The following PIEZO1 variants were observed in gnomAD, a reference collection of about 807,000 sequenced individuals.
PIEZO1 encodes the protein piezo-type mechanosensitive ion channel component 1.
A neutral mutation model predicts 297.2 loss-of-function variants in PIEZO1; 296 were observed. The ratio of observed to expected loss-of-function variants is 1.00; its 90% CI spans 0.91 to 1.10. The LOEUF (loss-of-function observed/expected upper bound fraction) is 1.10, where lower values mean the gene tolerates loss of function less well. Ranked by LOEUF, PIEZO1 falls within the 50% of genes least tolerant of loss-of-function variation. The pLI, the probability that PIEZO1 is intolerant of heterozygous loss-of-function variation, is 0.00. For missense variants in PIEZO1, 5,018 were observed against 3,455.5 expected (o/e 1.45, Z -11.34); for synonymous variants, 2,427 against 1,507.5 (o/e 1.61, Z -14.13).
At chr16:88,731,603 A>G (rs994430970) in intron 22 of PIEZO1, 103 bp downstream of exon 22, 26 of 835,192 alleles carry the variant, frequency 3.1e-5, no homozygotes, top group Non-Finnish European at 4.2e-5. Context: ...GGCCAAGGCT[A>G]AGTCTAGGAG....
Position 88,720,682 on chromosome 16 carries a change from C to G in PIEZO1, c.5735G>C (p.Arg1912Thr). The G allele has an allele frequency of 1.3e-6, 2 of 1,544,584 alleles. No individual in the cohort carries two copies. The highest frequency in any genetic ancestry group is 1.7e-6 in the Non-Finnish European group (2 of 1,144,216). The change falls in exon 40 of 51, where the codon AGG (arginine) becomes ACG (threonine). Residue 1912 changes from arginine (R) to threonine (T), a missense_variant. Physicochemically the swap from Arg to Thr is moderately conservative, Grantham distance 71 (BLOSUM62 -1). Coordinates refer to ENST00000301015, the MANE Select transcript of PIEZO1 (RefSeq NM_001142864.4). ...TACTCTTCCTCCAGAGCGGCTTGGCCTCTTCTCTCTCCCCGTGGGGGCCTC... is the reference window on the plus strand; with the variant it reads ...TACTCTTCCTCCAGAGCGGCTTGGCGTCTTCTCTCTCCCCGTGGGGGCCTC... The part of the protein sequence containing the change: ...EKEAPTGREK[R>T]PSRSGGRVRA...
chr16:88,764,443 G>A (rs901234744), intron 1 of PIEZO1, among the ~76,000 whole-genome samples: 1 of 152,158 alleles, frequency 6.6e-6, no homozygotes. Context: ...TCTCCAGGCA[G>A]AGATCACGCG....
At chr16:88,766,073 G>A (rs924345106) in intron 1 of PIEZO1, among the ~76,000 whole-genome samples, 1 of 152,230 alleles carries the variant, frequency 6.6e-6, no homozygotes, top group Non-Finnish European at 1.5e-5. Context: ...GGCAGCGTGG[G>A]TGCCGTGGTC....
At chr16:88,731,676 C>A (rs1221746147) in intron 22 of PIEZO1, 30 bp downstream of exon 22, 2 of 1,532,598 alleles carry the variant, frequency 1.3e-6, no homozygotes, top group East Asian at 2.5e-5. Flanking sequence ...GCCACAAAGC[C>A]CACTCCCACC....
In PIEZO1 at chr16:88,737,715, C is replaced by T; in HGVS notation, c.1107+13G>A. 1.3e-6 allele frequency: 2 copies of T among 1,535,208 alleles called. No homozygotes were observed. Among genetic ancestry groups the T allele is most frequent in the Non-Finnish European group, 1.7e-6 (2 of 1,146,340 alleles). On this transcript the variant is annotated intron_variant, in intron 9 of 50. Coordinates refer to ENST00000301015, the MANE Select transcript of PIEZO1 (RefSeq NM_001142864.4). ...CCCCCCACGCTGGCGTCTCCACCTGCCTGGCTGCTCACCTGGTCAGACTCC... is the reference window on the plus strand; with the variant it reads ...CCCCCCACGCTGGCGTCTCCACCTGTCTGGCTGCTCACCTGGTCAGACTCC...
chr16:88,731,883 T>C lies in PIEZO1; in HGVS notation c.3019A>G (p.Ile1007Val). ...ACCAGAAAGTTCATGCGCTGCCCGA[T>C]CACGTTCACGGCCATCAGGAAGCAG... ...EICFLMAVNV[I>V]GQRMNFLVTL... The change falls in exon 22 of 51, where the codon ATC becomes GTC. Residue 1007 changes from isoleucine (I) to valine (V), a missense_variant. By Grantham distance (29) the Ile-to-Val change is conservative. Coordinates refer to ENST00000301015, the MANE Select transcript of PIEZO1 (RefSeq NM_001142864.4). The C allele has an allele frequency of 1.0e-6, 1 of 982,558 alleles. No homozygotes were observed. The highest frequency in any genetic ancestry group is 8.0e-5 in the East Asian group (1 of 12,536). The allele number at this position is 982,558 out of a possible 1,614,324, so 60.9% of individuals were successfully genotyped here.
chr16:88,718,604 T>G (rs1035129696), intron 44 of PIEZO1: 1 of 152,250 alleles, frequency 6.6e-6, no homozygotes, highest in African/African-American at 2.4e-5. Context: ...CCTGTTTTCA[T>G]GAAATATCCA....
Position 88,737,661 on chromosome 16 carries a change from C to A in PIEZO1, c.1108-15G>T, listed in dbSNP as rs556017250. On this transcript the variant is annotated splice_polypyrimidine_tract_variant and intron_variant, in intron 9 of 50. Transcript: ENST00000301015. ...GGCACCACGTGCTGTGGGCAAGCAGCGCTGAGCCATGCACGGGCTGGCCGG... is the reference window on the plus strand; with the variant it reads ...GGCACCACGTGCTGTGGGCAAGCAGAGCTGAGCCATGCACGGGCTGGCCGG... The A allele has an allele frequency of 3.3e-6, 5 of 1,534,172 alleles. No individual in the cohort carries two copies. Among genetic ancestry groups the A allele is most frequent in the East Asian group, 4.9e-5 (2 of 40,894 alleles).
In PIEZO1 at chr16:88,726,880, C is replaced by G; in HGVS notation, c.3534G>C (p.Gly1178=). Residue 1178 remains glycine (G), a synonymous_variant, in exon 25 of 51, where the codon GGG becomes GGC. Coordinates refer to ENST00000301015, the MANE Select transcript of PIEZO1 (RefSeq NM_001142864.4). ...WLVLVVVFVT[G]ATRISIFGLG... is the part of the protein sequence containing the mutation. ...GCCCGAAGATGCTGATGCGGGTGGCCCCCGTGACAAACACCACCACCAGCA... is the reference window on the plus strand; with the variant it reads ...GCCCGAAGATGCTGATGCGGGTGGCGCCCGTGACAAACACCACCACCAGCA... The G allele has an allele frequency of 6.4e-7, 1 of 1,550,402 alleles. No homozygotes were observed.
intron 44 of PIEZO1, 200 bp downstream of exon 44, chr16:88,719,374 C>A (rs1342777059): frequency 1.7e-6 from 1 of 589,920 alleles, no homozygotes. Context: ...CTGCCCACTT[C>A]TGCGCCCAGC....
intron 1 of PIEZO1, among the ~76,000 whole-genome samples, chr16:88,753,886 AG>A (rs1325161760): frequency 6.6e-6 from 1 of 152,228 alleles, no homozygotes; most frequent in Non-Finnish European, 1.5e-5. Context: ...GATCAGGCTC[AG>A]GCAGAGAAGG....
chr16:88,716,628 G>A lies in PIEZO1; in HGVS notation c.6857C>T (p.Ala2286Val). 8 of 1,549,888 alleles carry A rather than the reference G, an allele frequency of 5.2e-6. No individual in the cohort carries two copies. The highest frequency in any genetic ancestry group is 7.0e-6 in the Non-Finnish European group (8 of 1,146,910). Residue 2286 changes from alanine to valine, a missense_variant, in exon 47 of 51, where the codon GCC becomes GTC. Ala to Val is a moderately conservative substitution (Grantham distance 64). Coordinates refer to ENST00000301015, the MANE Select transcript of PIEZO1 (RefSeq NM_001142864.4). ...GTTGTAGAGCTCCCGCTTCATCTGG[G>A]CACGGCTGGGGGGACTGATGCGCCA... ...ALWRISPPSR[A>V]QMKRELYNGT...
rs1161089296 is a variant in PIEZO1, at chr16:88,716,698, C to T, written c.6787G>A (p.Glu2263Lys). 1.3e-6 allele frequency: 2 copies of T among 1,548,666 alleles called. No homozygotes were observed. Among genetic ancestry groups the T allele is most frequent in the Admixed American group, 2.0e-5 (1 of 51,014 alleles). ...AMQFISQYSP[E>K]DIVTAQIEGS... ...TCAATCTGCGCCGTGACGATGTCCT[C>T]AGGGCTGTACTGGCTGATGAACTGC... Residue 2263 changes from glutamate (E) to lysine (K), a missense_variant, in exon 47 of 51, where the codon GAG becomes AAG. Coordinates refer to ENST00000301015, the MANE Select transcript of PIEZO1 (RefSeq NM_001142864.4).
Position 88,715,490 on chromosome 16 carries a change from C to T in PIEZO1, c.*115G>A. Reference sequence around the variant, plus strand: ...GCTCAGGCAGGCCGGGAGGATGCATCACAGCTGGCGGCCTTGGACGGGGCA... The same window carrying T: ...GCTCAGGCAGGCCGGGAGGATGCATTACAGCTGGCGGCCTTGGACGGGGCA... On this transcript the variant is annotated 3_prime_UTR_variant, in exon 51 of 51. Coordinates refer to ENST00000301015, the MANE Select transcript of PIEZO1 (RefSeq NM_001142864.4). 8.7e-7 allele frequency: 1 copy of T among 1,145,962 alleles called. No individual in the cohort carries two copies. The highest frequency in any genetic ancestry group is 2.2e-5 in the Admixed American group (1 of 45,890). 71.0% of individuals were successfully genotyped at this position (1,145,962 alleles called of 1,614,324 possible).
At chr16:88,724,148 G>A (rs1306747895) in intron 30 of PIEZO1, among the ~76,000 whole-genome samples, 177 bp from the exon 31 acceptor site, 1 of 152,270 alleles carries the variant, frequency 6.6e-6, no homozygotes, top group African/African-American at 2.4e-5. Context: ...GGGCAGGGCA[G>A]CTGAGGAGCA....
In PIEZO1 at chr16:88,719,804, C is replaced by T. The variant is rs1183185766; in HGVS notation, c.6321G>A (p.Gln2107=). 1.8e-5 allele frequency: 28 copies of T among 1,550,406 alleles called. No individual in the cohort carries two copies. In the East Asian group the frequency reaches 6.6e-4, roughly 37 times the overall value. ...KYNHLNLFLF[Q]GFRLVPFLVE... ...CACCCCGGCGGACCTGCACTCACCC[C>T]TGGAAGAGGAAGAGGTTGAGATGAT... The change falls in exon 43 of 51, where the codon CAG becomes CAA. Residue 2107 remains glutamine, a splice_region_variant and synonymous_variant. Transcript: ENST00000301015.
In PIEZO1 at chr16:88,722,087, T is replaced by C. The variant is rs373977598; in HGVS notation, c.4956-21A>G. 230 of 1,539,960 alleles carry C rather than the reference T, an allele frequency of 1.5e-4. 2 individuals carry two copies. The African/African-American group carries it at 2.7e-3, about 18-fold the overall frequency. The stretch of plus-strand genomic sequence containing the variant: ...GGCGCCTACAGGGAGACCCGCGTGT[T>C]TGGGGGAGTCTGGGACTGCCCGAAG... On this transcript the variant is annotated intron_variant, in intron 36 of 50. Transcript: ENST00000301015.
intron 1 of PIEZO1, among the ~76,000 whole-genome samples, chr16:88,750,924 A>G (rs1368745960): frequency 6.7e-6 from 1 of 149,362 alleles, no homozygotes; most frequent in East Asian, 2.0e-4. Flanking sequence ...AGGAGGCCAC[A>G]GTGAGCTCAG....
chr16:88,724,895 C>T lies in PIEZO1; in HGVS notation c.4234+114G>A, dbSNP rs765018196. 87 of 680,034 alleles carry T rather than the reference C, an allele frequency of 1.3e-4. 1 individual carries two copies. In the South Asian group the frequency reaches 1.7e-3, roughly 13 times the overall value. 42.1% of individuals were successfully genotyped at this position (680,034 alleles called of 1,614,324 possible). ...CCCAGGAGGCCTGAGCACGTCCTGA[C>T]GCTCAGGGCCTGGGAGTCGGGGGAA... On this transcript the variant is annotated intron_variant, in intron 30 of 50. Transcript: ENST00000301015.
Sources: gnomAD v4.1 joint callset for allele counts (sites outside exome capture counted in the v4.1 genomes callset) on GRCh38, gnomAD v4.1.1 for gene constraint, MANE v1.5 for transcripts, NCBI Gene and HGNC (gene_info 2026-07-23, HGNC 2026-07-21) for gene names.